The following ZBTB45 variants were observed in gnomAD, a reference collection of about 807,000 sequenced individuals.
The protein encoded by ZBTB45 is zinc finger and BTB domain containing 45, also known as zinc finger and BTB domain-containing protein 45.
Under a neutral mutation model 28.4 loss-of-function variants are expected in ZBTB45, and 22 were observed. That is an observed-to-expected ratio of 0.77 (90% CI 0.55 to 1.10). The LOEUF is 1.10. Ranked by LOEUF, ZBTB45 falls within the 50% of genes least tolerant of loss-of-function variation. The pLI is 0.00. For missense variants in ZBTB45, 656 were observed against 750.2 expected, an observed-to-expected ratio of 0.87 and a Z score of 1.47; for synonymous variants, 361 against 332.3, an observed-to-expected ratio of 1.09 and a Z score of -0.94.
chr19:58,535,832 G>T (rs1820650994), intron 1 of ZBTB45, among the ~76,000 whole-genome samples: 1 of 152,164 alleles, frequency 6.6e-6, no homozygotes, highest in African/African-American at 2.4e-5. Flanking sequence ...CAAGAAGTGG[G>T]CTCTGGGCTA....
At position 58,516,629 on chromosome 19, in the gene ZBTB45, G is replaced by T. The variant is rs1377039321; in HGVS notation, c.1045C>A (p.Pro349Thr). The change falls in exon 2 of 3, where the codon CCA becomes ACA. Residue 349 changes from proline (P) to threonine (T), a missense_variant. Physicochemically the swap from Pro to Thr is conservative, Grantham distance 38 (BLOSUM62 -1). This residue lies in a region of ZBTB45 where 448 missense variants were observed against 444.3 expected (regional missense o/e 1.01). Transcript: ENST00000594051. The surrounding 1 kb of genome is among the most constrained non-coding windows in gnomAD (Gnocchi z 6.2). ...GGGGGCGCAGGGGCTGGCCCCGATG[G>T]TGCTGAAGGGGGTGGTGCGGGTGGC... ...PGPPAPPPSA[P>T]SGPAPAPPPA... 6.4e-7 allele frequency: 1 copy of T among 1,561,730 alleles called. No individual in the cohort carries two copies. The highest frequency in any genetic ancestry group is 2.3e-5 in the East Asian group (1 of 44,424).
upstream of ZBTB45, among the ~76,000 whole-genome samples, chr19:58,523,261 GGC>G (rs2053587975): frequency 6.9e-6 from 1 of 144,520 alleles, no homozygotes; most frequent in Non-Finnish European, 1.6e-5. Context: ...TGGGCGTGGT[GGC>G]GTCTGTGGTG....
Position 58,516,609 on chromosome 19 carries a change from C to A in ZBTB45, c.1065G>T (p.Ala355=). ...PPSAPSGPAP[A]PPPAFYPTLQ... ...GTGTGGGGTAGAAGGCGGGTGGGGG[C>A]GCAGGGGCTGGCCCCGATGGTGCTG... is the stretch of plus-strand genomic sequence containing the variant. Residue 355 remains alanine (A), a synonymous_variant, in exon 2 of 3, where the codon GCG becomes GCT. Coordinates refer to ENST00000594051, the MANE Select transcript of ZBTB45 (RefSeq NM_001316979.2). This position sits in a 1 kb window ranked among gnomAD's most constrained non-coding sequence, Gnocchi z 6.2. The A allele has an allele frequency of 1.9e-6, 3 of 1,557,542 alleles. No individual in the cohort carries two copies. The highest frequency in any genetic ancestry group is 2.6e-6 in the Non-Finnish European group (3 of 1,152,410).
chr19:58,529,393 C>T (rs533568031), intron 1 of ZBTB45, among the ~76,000 whole-genome samples: 10 of 152,248 alleles, frequency 6.6e-5, no homozygotes, highest in African/African-American at 2.4e-4. Flanking sequence ...ATCGTACCAC[C>T]GCACTCAGAG....
intron 1 of ZBTB45, among the ~76,000 whole-genome samples, chr19:58,528,913 TA>T (rs1222388537): frequency 6.7e-6 from 1 of 149,446 alleles, no homozygotes; most frequent in Non-Finnish European, 1.5e-5. Context: ...TAATAATAAT[TA>T]AAACATTTTA....
At chr19:58,525,658 C>T (rs2053603391) in intron 1 of ZBTB45, among the ~76,000 whole-genome samples, 1 of 152,168 alleles carries the variant, frequency 6.6e-6, no homozygotes, top group African/African-American at 2.4e-5. Context: ...TGGGATTTAC[C>T]AGAAAAGTAA....
At chr19:58,524,237 C>A (rs552028773), upstream of ZBTB45, among the ~76,000 whole-genome samples, 4 of 150,256 alleles carry the variant, frequency 2.7e-5, no homozygotes, top group African/African-American at 7.3e-5. Context: ...TGGTGGTGGG[C>A]CCCTATAATC....
At chr19:58,526,987 CTGGCCACAAAATGTGTTT>C (rs561440976) in intron 1 of ZBTB45, among the ~76,000 whole-genome samples, 3 of 152,298 alleles carry the variant, frequency 2.0e-5, no homozygotes, top group African/African-American at 7.2e-5. Flanking sequence ...CCCACCACAC[CTGGCCACAAAATGTGTTT>C]TGAGTAAAGC....
rs1292846148 is a variant in ZBTB45 at position 58,514,395 on chromosome 19, T to TGGACCTAGCAGGGGCTCCC, written c.1280-104_1280-86dup. 44 of 1,337,310 alleles carry TGGACCTAGCAGGGGCTCCC rather than the reference T, an allele frequency of 3.3e-5. No homozygotes were observed. The Admixed American group carries it at 1.4e-3, about 42-fold the overall frequency. 82.8% of individuals were successfully genotyped at this position (1,337,310 alleles called of 1,614,324 possible). On this transcript the variant is annotated intron_variant, in intron 2 of 2. Coordinates refer to ENST00000594051, the MANE Select transcript of ZBTB45 (RefSeq NM_001316979.2). The stretch of plus-strand genomic sequence containing the variant: ...CCCACCCCACCCCCACCTGGGCTCC[T>TGGACCTAGCAGGGGCTCCC]GGACCTAGCAGGGGCTCCCCTCCCC...
upstream of ZBTB45, among the ~76,000 whole-genome samples, chr19:58,524,405 A>ATATG (rs1398574271): frequency 7.6e-3 from 268 of 35,296 alleles, no homozygotes; most frequent in African/African-American, 0.011. Context: ...GTGTATATAT[A>ATATG]TGTGTGTGTG....
In ZBTB45 at chr19:58,516,631, G is replaced by T. The variant is rs1452610828; in HGVS notation, c.1043C>A (p.Ala348Glu). The change falls in exon 2 of 3, where the codon GCA (alanine) becomes GAA (glutamate). Residue 348 changes from alanine (A) to glutamate (E), a missense_variant. Physicochemically the swap from Ala to Glu is moderately radical, Grantham distance 107. Coordinates refer to ENST00000594051, the MANE Select transcript of ZBTB45 (RefSeq NM_001316979.2). The surrounding 1 kb of genome is among the most constrained non-coding windows in gnomAD (Gnocchi z 6.2). ...GGGCGCAGGGGCTGGCCCCGATGGT[G>T]CTGAAGGGGGTGGTGCGGGTGGCCC... ...APGPPAPPPS[A>E]PSGPAPAPPP... The T allele has an allele frequency of 6.4e-7, 1 of 1,561,938 alleles. No homozygotes were observed. The highest frequency in any genetic ancestry group is 1.2e-5 in the South Asian group (1 of 82,304).
chr19:58,536,536 A>T (rs2053661345), intron 1 of ZBTB45, among the ~76,000 whole-genome samples: 1 of 151,698 alleles, frequency 6.6e-6, no homozygotes, highest in Non-Finnish European at 1.5e-5. Flanking sequence ...CCAGCTACTC[A>T]GGAGGCTAAG....
upstream of ZBTB45, among the ~76,000 whole-genome samples, chr19:58,523,787 C>A (rs916731831): frequency 6.0e-5 from 8 of 134,390 alleles, no homozygotes; most frequent in African/African-American, 1.9e-4. Context: ...TCTCCTGCCT[C>A]AGCCTCCCGA....
chr19:58,527,675 C>A (rs1392744752), intron 1 of ZBTB45, among the ~76,000 whole-genome samples: 1 of 152,186 alleles, frequency 6.6e-6, no homozygotes, highest in African/African-American at 2.4e-5. Flanking sequence ...AGCCACCCAG[C>A]CTTGTTCTCC....
chr19:58,516,588 G>T lies in ZBTB45; in HGVS notation c.1086C>A (p.Pro362=). The part of the protein sequence containing the change: ...PAPAPPPAFY[P]TLQPEAAPST... ...TGGGGGCTGCCTCGGGCTGGAGTGTGGGGTAGAAGGCGGGTGGGGGCGCAG... is the reference window on the plus strand; with the variant it reads ...TGGGGGCTGCCTCGGGCTGGAGTGTTGGGTAGAAGGCGGGTGGGGGCGCAG... Residue 362 remains proline, a synonymous_variant, in exon 2 of 3, where the codon CCC becomes CCA. Transcript: ENST00000594051. This position sits in a 1 kb window ranked among gnomAD's most constrained non-coding sequence, Gnocchi z 6.2. 6.3e-7 allele frequency: 1 copy of T among 1,575,834 alleles called. No homozygotes were observed. Among genetic ancestry groups the T allele is most frequent in the Non-Finnish European group, 8.6e-7 (1 of 1,160,854 alleles).
rs1202155560 is a variant in ZBTB45 at position 58,515,393 on chromosome 19, A to G, written c.1279+1002T>C. Among the ~76,000 whole-genome samples the G allele has an allele frequency of 6.6e-6, 1 of 151,886 alleles. No homozygotes were observed. Among genetic ancestry groups the G allele is most frequent in the African/African-American group, 2.4e-5 (1 of 41,360 alleles). On this transcript the variant is annotated intron_variant, in intron 2 of 2. Transcript: ENST00000594051. The surrounding 1 kb of genome is among the most constrained non-coding windows in gnomAD (Gnocchi z 4.7). ...CAGTGCCTGCCAGAGGGTACCCCAG[A>G]ATAACCTGGCCCAGGCACCTGGCTC...
chr19:58,521,725 C>G (rs547571012), upstream of ZBTB45, among the ~76,000 whole-genome samples: 7 of 152,324 alleles, frequency 4.6e-5, no homozygotes, highest in African/African-American at 1.2e-4. Context: ...CTGATGAACG[C>G]ATTCCTCACA....
chr19:58,524,918 C>T (rs2053600003), intron 1 of ZBTB45, among the ~76,000 whole-genome samples: 1 of 151,966 alleles, frequency 6.6e-6, no homozygotes, highest in South Asian at 2.1e-4. Flanking sequence ...CCAGGCTAAG[C>T]CCAAGGCCTG....
chr19:58,520,359 C>G (rs2053567352), upstream of ZBTB45: 1 of 152,118 alleles, frequency 6.6e-6, no homozygotes, highest in African/African-American at 2.4e-5. Context: ...CTGGGCCTCC[C>G]CTGAGCTAGA....
Sources: allele counts gnomAD v4.1 joint callset (sites outside exome capture counted in the v4.1 genomes callset), GRCh38; gene constraint gnomAD v4.1.1; regional missense constraint gnomAD v4.1.1; non-coding constraint Gnocchi (gnomAD v3.1); transcripts MANE v1.5; gene names NCBI Gene and HGNC (gene_info 2026-07-23, HGNC 2026-07-21).